Variants in DIO2 observed in about 807,000 individuals in gnomAD.
The protein encoded by DIO2 is iodothyronine deiodinase 2.
DIO2 carries 19 observed loss-of-function variants against 21.4 expected under a neutral mutation model. The ratio of observed to expected loss-of-function variants is 0.89; its 90% CI spans 0.62 to 1.30. The LOEUF (loss-of-function observed/expected upper bound fraction) is 1.30. DIO2 is among the 50% of genes most tolerant of loss of function. The pLI is 0.00. For missense variants in DIO2, 302 were observed against 338.1 expected (o/e 0.89, Z 0.84); for synonymous variants, 122 against 132.9 (o/e 0.92, Z 0.57).
At chr14:80,214,293 TTCTC>T (rs1888298151), upstream of DIO2, among the ~76,000 whole-genome samples, 1 of 152,226 alleles carries the variant, frequency 6.6e-6, no homozygotes, top group Non-Finnish European at 1.5e-5. Context: ...TTTAAACCAA[TTCTC>T]TCTCACTTGC....
intron 1 of DIO2, among the ~76,000 whole-genome samples, chr14:80,207,005 G>A (rs1036881648): frequency 6.6e-6 from 1 of 152,074 alleles, no homozygotes; most frequent in African/African-American, 2.4e-5. Context: ...CCTTTATTTT[G>A]CAAGGATCAG....
Position 80,230,169 on chromosome 14 carries a change from C to A in DIO2, c.-277-13432G>T, listed in dbSNP as rs529037327. 7.9e-5 allele frequency among the ~76,000 whole-genome samples: 12 copies of A among 152,196 alleles called. 1 individual carries two copies. In the South Asian group the frequency reaches 8.3e-4, roughly 11 times the overall value. The stretch of plus-strand genomic sequence containing the variant: ...CACTACTGGGAATGGGGAAGCTGTT[C>A]CTTCTGGCAAAGAAGTTTCATCACA... On this transcript the variant is annotated intron_variant, in intron 2 of 4. Transcript: ENST00000553594.
intron 1 of DIO2, chr14:80,206,182 A>G (rs1887948400): frequency 8.4e-7 from 1 of 1,197,390 alleles, no homozygotes; most frequent in Non-Finnish European, 1.2e-6. Context: ...AAATGCATAG[A>G]TAAAATTAAT....
chr14:80,222,039 G>A (rs1247950201), intron 2 of DIO2, among the ~76,000 whole-genome samples: 1 of 152,200 alleles, frequency 6.6e-6, no homozygotes, highest in Non-Finnish European at 1.5e-5. Flanking sequence ...GGAGGAAGGT[G>A]GGAGGGGAGA....
upstream of DIO2, among the ~76,000 whole-genome samples, chr14:80,215,767 G>A (rs887938389): frequency 1.3e-5 from 2 of 152,222 alleles, no homozygotes; most frequent in Admixed American, 1.3e-4. Flanking sequence ...ATCAGAGCAA[G>A]GAATCACAAA....
At chr14:80,210,846 T>C (rs552430668) in intron 1 of DIO2, among the ~76,000 whole-genome samples, 1 of 152,144 alleles carries the variant, frequency 6.6e-6, no homozygotes, top group African/African-American at 2.4e-5. Context: ...TCGAACATAC[T>C]TCCTCAGTGT....
chr14:80,212,633 C>G (rs1038908302), upstream of DIO2, among the ~76,000 whole-genome samples: 34 of 152,198 alleles, frequency 2.2e-4, no homozygotes, highest in African/African-American at 8.2e-4. Context: ...TATATACAAT[C>G]TTTATACCTT....
chr14:80,204,748 C>T (rs1490405518), intron 1 of DIO2, among the ~76,000 whole-genome samples: 1 of 152,142 alleles, frequency 6.6e-6, no homozygotes, highest in Non-Finnish European at 1.5e-5. Context: ...AAAGATGTAA[C>T]AATCCAAACT....
rs566875184 is a variant in DIO2 at position 80,210,410 on chromosome 14, C to T, written c.222+841G>A. Among the ~76,000 whole-genome samples, 318 of 152,242 alleles carry T rather than the reference C, an allele frequency of 2.1e-3. 1 individual carries two copies. The highest frequency in any genetic ancestry group is 3.5e-3 in the Non-Finnish European group (235 of 68,002). On this transcript the variant is annotated intron_variant, in intron 1 of 1. Transcript: ENST00000438257. Reference sequence around the variant, plus strand: ...CTACCTCTGATTTTGAGAGAGCAGCCCCTGGGCACTACCTGAGCAGGTAAG... The same window carrying T: ...CTACCTCTGATTTTGAGAGAGCAGCTCCTGGGCACTACCTGAGCAGGTAAG...
At chr14:80,224,879 G>A (rs1411711935) in intron 2 of DIO2, among the ~76,000 whole-genome samples, 1 of 152,150 alleles carries the variant, frequency 6.6e-6, no homozygotes, top group Non-Finnish European at 1.5e-5. Flanking sequence ...AGTTTATTAA[G>A]TATTAACTTA....
rs1887946073 is a variant in DIO2, at chr14:80,206,146, A to G, written c.223-2858T>C. The G allele has an allele frequency of 1.2e-5, 10 of 845,140 alleles. No individual in the cohort carries two copies. The South Asian group carries it at 1.4e-4, about 11-fold the overall frequency. The allele number at this position is 845,140 out of a possible 1,614,324, so 52.4% of individuals were successfully genotyped here. Reference sequence around the variant, plus strand: ...TATAATGTCATAAATGGATATGCTTATTCATGAAGGTGCCTAGGCAAGAGA... The same window carrying G: ...TATAATGTCATAAATGGATATGCTTGTTCATGAAGGTGCCTAGGCAAGAGA... On this transcript the variant is annotated intron_variant, in intron 1 of 1. Coordinates refer to ENST00000438257, the MANE Select transcript of DIO2 (RefSeq NM_013989.5).
Sources: gnomAD v4.1 joint callset for allele counts (sites outside exome capture counted in the v4.1 genomes callset) on GRCh38, gnomAD v4.1.1 for gene constraint, MANE v1.5 for transcripts, NCBI Gene and HGNC (gene_info 2026-07-23, HGNC 2026-07-21) for gene names.